Variants in ICE2 observed in about 807,000 individuals in gnomAD.
ICE2 encodes the protein little elongation complex subunit 2.
Under a neutral mutation model 105.4 loss-of-function variants are expected in ICE2, and 87 were observed. The ratio of observed to expected loss-of-function variants is 0.83; its 90% confidence interval spans 0.69 to 0.99. The LOEUF is 0.99. Among genes scored for constraint, ICE2 ranks in the 50% least tolerant of loss-of-function variants. The probability of loss-of-function intolerance (pLI) is 0.00; values close to 1 mark genes in which losing one functional copy is unlikely to be tolerated. For missense variants in ICE2, 1,323 were observed against 1,146.7 expected (o/e 1.15, Z -2.22); for synonymous variants, 399 against 392.0 (o/e 1.02, Z -0.21).
In ICE2 at chr15:60,455,159, T is replaced by C. The variant is rs142190044; in HGVS notation, c.787A>G (p.Ile263Val). The C allele has an allele frequency of 1.3e-5, 20 of 1,566,506 alleles. No homozygotes were observed. The highest frequency in any genetic ancestry group is 1.7e-5 in the Non-Finnish European group (20 of 1,163,584). The change falls in exon 8 of 16, where the codon ATT (isoleucine) becomes GTT (valine). Residue 263 changes from isoleucine to valine, a missense_variant. Ile to Val is a conservative substitution (Grantham distance 29). Coordinates refer to ENST00000261520, the MANE Select transcript of ICE2 (RefSeq NM_024611.6). Reference protein sequence around the residue: ...EQTAEAMHYDISKDPNAEKLV... With the variant: ...EQTAEAMHYDVSKDPNAEKLV... ...TTCTCTGCATTTGGATCTTTACTAA[T>C]ATCCTGAAAAACAACAAGTAATTTG...
intron 11 of ICE2, among the ~76,000 whole-genome samples, chr15:60,447,318 G>A (rs545265302): frequency 6.6e-6 from 1 of 152,222 alleles, no homozygotes; most frequent in Admixed American, 6.5e-5. Context: ...CAAATTCCCA[G>A]AGAAAACAGG....
At chr15:60,431,243 C>G (rs2141000042) in intron 14 of ICE2, among the ~76,000 whole-genome samples, 1 of 151,860 alleles carries the variant, frequency 6.6e-6, no homozygotes, top group East Asian at 1.9e-4. Context: ...GAATAATGGT[C>G]TCCCACCATG....
At chr15:60,423,982 T>C (rs2063284035) in intron 15 of ICE2, among the ~76,000 whole-genome samples, 1 of 152,158 alleles carries the variant, frequency 6.6e-6, no homozygotes, top group African/African-American at 2.4e-5. Flanking sequence ...TAGATCTGAG[T>C]AGATGGGGAG....
intron 9 of ICE2, chr15:60,451,635 A>G (rs2063968138): frequency 3.0e-6 from 3 of 984,374 alleles, no homozygotes; most frequent in Admixed American, 6.1e-5. Context: ...CAATCCAGAA[A>G]AAGCATTTTA....
intron 5 of ICE2, among the ~76,000 whole-genome samples, chr15:60,463,240 G>T (rs771188163): frequency 1.3e-5 from 2 of 152,172 alleles, no homozygotes; most frequent in Admixed American, 6.5e-5. Flanking sequence ...AAACGTGTGC[G>T]TATGTGTACC....
chr15:60,425,662 C>T (rs964400157), intron 15 of ICE2, among the ~76,000 whole-genome samples: 8 of 152,132 alleles, frequency 5.3e-5, no homozygotes, highest in African/African-American at 1.4e-4. Flanking sequence ...CAAGTGGACT[C>T]GTGACTATGG....
At chr15:60,446,295 T>C (rs778718376) in intron 11 of ICE2, among the ~76,000 whole-genome samples, 19 of 152,358 alleles carry the variant, frequency 1.2e-4, no homozygotes, top group Non-Finnish European at 1.9e-4. Context: ...TGGATTTGGG[T>C]GGACAAAGTG....
At chr15:60,423,783 C>T (rs1007396617) in intron 15 of ICE2, 21 bp from the exon 16 acceptor site, 4 of 1,559,160 alleles carry the variant, frequency 2.6e-6, no homozygotes, top group Admixed American at 4.1e-5. Flanking sequence ...AAGCAGAGAA[C>T]AGAATAGCTT....
At chr15:60,455,481 C>T in intron 6 of ICE2, 39 bp from the exon 7 acceptor site, 1 of 1,343,258 alleles carries the variant, frequency 7.4e-7, no homozygotes. Context: ...GCAAAAATCG[C>T]AATGTATTTT....
chr15:60,420,777 CTTTA>C lies in ICE2; in HGVS notation c.*2853_*2856del, dbSNP rs2063235098. On this transcript the variant is annotated 3_prime_UTR_variant, in exon 16 of 16. Transcript: ENST00000261520. ...AAGATCTGGTTAGATGACTTGCTTA[CTTTA>C]TCAAAGCACTTATCACATAAAGCAG... The C allele has an allele frequency of 6.6e-6, 1 of 152,140 alleles. No homozygotes were observed. Among genetic ancestry groups the C allele is most frequent in the African/African-American group, 2.4e-5 (1 of 41,430 alleles). 9.4% of individuals were successfully genotyped at this position (152,140 alleles called of 1,614,324 possible).
At chr15:60,476,268 T>C (rs2064759134) in intron 2 of ICE2, 101 bp from the exon 3 acceptor site, 2 of 690,574 alleles carry the variant, frequency 2.9e-6, no homozygotes, top group African/African-American at 1.8e-5. Context: ...CATACCTTCT[T>C]ACCCCCCCAT....
intron 12 of ICE2, chr15:60,441,673 T>C (rs1424340903): frequency 6.6e-6 from 1 of 152,192 alleles, no homozygotes; most frequent in African/African-American, 2.4e-5. Context: ...TTGAGATTTA[T>C]GGGATGCATT....
At chr15:60,465,750 CTTTTTTT>C (rs201899350) in intron 5 of ICE2, among the ~76,000 whole-genome samples, 1 of 127,020 alleles carries the variant, frequency 7.9e-6, no homozygotes. Flanking sequence ...ATACTTTATT[CTTTTTTT>C]TTTTTTTTTT....
chr15:60,430,769 G>A (rs894036365), intron 14 of ICE2, among the ~76,000 whole-genome samples: 1 of 152,204 alleles, frequency 6.6e-6, no homozygotes, highest in African/African-American at 2.4e-5. Flanking sequence ...AAGGGCATAA[G>A]AGAAGGAATG....
intron 9 of ICE2, 31 bp downstream of exon 9, chr15:60,453,572 C>G: frequency 3.7e-6 from 6 of 1,606,002 alleles, no homozygotes; most frequent in Non-Finnish European, 5.1e-6. Context: ...CAAGTACATT[C>G]CCCTTAGGGG....
chr15:60,423,690 G>C lies in ICE2; in HGVS notation c.2893C>G (p.Pro965Ala). The C allele has an allele frequency of 6.2e-7, 1 of 1,606,990 alleles. No homozygotes were observed. The highest frequency in any genetic ancestry group is 2.2e-5 in the East Asian group (1 of 44,772). Residue 965 changes from proline to alanine, a missense_variant, in exon 16 of 16, where the codon CCT becomes GCT. Pro to Ala is a conservative substitution (Grantham distance 27). Coordinates refer to ENST00000261520, the MANE Select transcript of ICE2 (RefSeq NM_024611.6). ...VSMETKSSCL[P>A]AQQVETEGVA... is the part of the protein sequence containing the mutation. ...CCTTCAGTTTCAACTTGCTGAGCAG[G>C]CAAGCAACTGCTTTTGGTTTCCATG...
chr15:60,425,441 T>C (rs907071560), intron 15 of ICE2, among the ~76,000 whole-genome samples: 6 of 152,152 alleles, frequency 3.9e-5, no homozygotes, highest in Non-Finnish European at 7.3e-5. Context: ...GTAAAATAAA[T>C]GTTTATTACA....
chr15:60,469,407 G>A (rs927384860), intron 3 of ICE2, among the ~76,000 whole-genome samples: 4 of 151,944 alleles, frequency 2.6e-5, no homozygotes, highest in African/African-American at 7.3e-5. Flanking sequence ...GTTTACCTAC[G>A]TAACAAACCA....
In ICE2 at chr15:60,428,663, T is replaced by C; in HGVS notation, c.2586A>G (p.Leu862=). 1.9e-6 allele frequency: 3 copies of C among 1,614,050 alleles called. No homozygotes were observed. The South Asian group carries it at 3.3e-5, about 18-fold the overall frequency. The change falls in exon 15 of 16, where the codon TTA becomes TTG. Residue 862 remains leucine (L), a synonymous_variant. Transcript: ENST00000261520. ...LSSLQEGSYL[L]SHAAEDSSLL... is the part of the protein sequence containing the mutation. ...GTGAAGAATCTTCTGCTGCATGAGA[T>C]AACAAGTAGGAACCCTCCTGCAAGC...
Sources: gnomAD v4.1 joint callset for allele counts (sites outside exome capture counted in the v4.1 genomes callset) on GRCh38, gnomAD v4.1.1 for gene constraint, MANE v1.5 for transcripts, NCBI Gene and HGNC (gene_info 2026-07-23, HGNC 2026-07-21) for gene names.